ZNF471: variants seen among roughly 807,000 people sequenced by gnomAD.
ZNF471 encodes EZFIT-related protein 1.
A neutral mutation model predicts 13.7 loss-of-function variants in ZNF471; 7 were observed. The observed-to-expected ratio is 0.51, with a 90% CI of 0.29 to 0.96. The LOEUF is 0.96. Among genes scored for constraint, ZNF471 ranks in the 40% least tolerant of loss-of-function variants. ZNF471 has a pLI of 0.08. For synonymous variants in ZNF471, 218 were observed against 235.6 expected, an observed-to-expected ratio of 0.93 and a Z score of 0.68; for missense variants, 663 against 743.3, an observed-to-expected ratio of 0.89 and a Z score of 1.26.
Position 56,528,143 on chromosome 19 carries a change from A to G in ZNF471, c.*2195A>G, listed in dbSNP as rs1172875013. 6.6e-6 allele frequency: 1 copy of G among 152,326 alleles called. No individual in the cohort carries two copies. Among genetic ancestry groups the G allele is most frequent in the African/African-American group, 2.4e-5 (1 of 41,566 alleles). The allele number at this position is 152,326 out of a possible 1,614,324, so 9.4% of individuals were successfully genotyped here. A position where few individuals can be genotyped will look rare whatever the true frequency, so the allele number is the denominator to read the frequency against. On this transcript the variant is annotated 3_prime_UTR_variant, in exon 5 of 5. Coordinates refer to ENST00000308031, the MANE Select transcript of ZNF471 (RefSeq NM_020813.4). Reference sequence around the variant, plus strand: ...CTCACATTCAATGGGTTGCATACCCATGAATTCTAAAACTTCATCCTCTTT... The same window carrying G: ...CTCACATTCAATGGGTTGCATACCCGTGAATTCTAAAACTTCATCCTCTTT...
rs143825873 is a variant in ZNF471 at position 56,509,505 on chromosome 19, A to G, written c.-56+1585A>G. ...GAACCCCGATTTATAGCTAGTCAGA[A>G]GCACAAGTAAAACAACCTGGGGTTT... is the stretch of plus-strand genomic sequence containing the variant. On this transcript the variant is annotated intron_variant, in intron 1 of 4. Transcript: ENST00000308031. Among the ~76,000 whole-genome samples, 13 of 152,360 alleles carry G rather than the reference A, an allele frequency of 8.5e-5. No homozygotes were observed. The East Asian group carries it at 2.3e-3, about 27-fold the overall frequency.
At chr19:56,507,971 G>T in intron 1 of ZNF471, 51 bp downstream of exon 1, 2 of 986,084 alleles carry the variant, frequency 2.0e-6, no homozygotes, top group East Asian at 1.1e-4. Flanking sequence ...GGCCAGGAAG[G>T]GCAGGCGAGG....
At chr19:56,518,695 G>A in intron 4 of ZNF471, 118 bp downstream of exon 4, 2 of 747,936 alleles carry the variant, frequency 2.7e-6, no homozygotes, top group Non-Finnish European at 4.2e-6. Flanking sequence ...TACAGGCCTG[G>A]AGAGAAAACT....
In ZNF471 at chr19:56,511,527, C is replaced by G; in HGVS notation, c.-45C>G. 1 of 1,612,860 alleles carries G rather than the reference C, an allele frequency of 6.2e-7. No homozygotes were observed. The highest frequency in any genetic ancestry group is 2.2e-5 in the East Asian group (1 of 44,838). ...TTTCCCTTCCTTCAGCCTTGCCCTC[C>G]CAAGACACTGTTCTTCAAGAGAAAG... On this transcript the variant is annotated 5_prime_UTR_variant, in exon 2 of 5. Transcript: ENST00000308031.
intron 4 of ZNF471, among the ~76,000 whole-genome samples, chr19:56,518,960 G>A (rs1214562873): frequency 6.6e-6 from 1 of 152,068 alleles, no homozygotes; most frequent in African/African-American, 2.4e-5. Flanking sequence ...GTACCCTGCT[G>A]CTCTTTCATT....
chr19:56,511,983 A>T (rs1203105949), intron 2 of ZNF471, among the ~76,000 whole-genome samples: 1 of 152,142 alleles, frequency 6.6e-6, no homozygotes, highest in Non-Finnish European at 1.5e-5. Context: ...TTATTCCTCT[A>T]CCTGAAGTTT....
Position 56,508,127 on chromosome 19 carries a change from T to C in ZNF471, c.-56+207T>C. 1 of 985,222 alleles carries C rather than the reference T, an allele frequency of 1.0e-6. No individual in the cohort carries two copies. Among genetic ancestry groups the C allele is most frequent in the Non-Finnish European group, 1.2e-6 (1 of 829,820 alleles). 61.0% of individuals were successfully genotyped at this position (985,222 alleles called of 1,614,324 possible). On this transcript the variant is annotated intron_variant, in intron 1 of 4. Transcript: ENST00000308031. This position sits in a 1 kb window ranked among gnomAD's most constrained non-coding sequence, Gnocchi z 4.7. ...GGGGCTGCTGGGCGTTCGGGGCGGC[T>C]TGGGGCGGCGGGACCACTGGAGTGA...
At position 56,526,326 on chromosome 19, in the gene ZNF471, AC is replaced by A. The variant is rs1241018559; in HGVS notation, c.*379del. On this transcript the variant is annotated 3_prime_UTR_variant, in exon 5 of 5. Coordinates refer to ENST00000308031, the MANE Select transcript of ZNF471 (RefSeq NM_020813.4). ...GGGACTGTGCCATGAGGAATGGTGC[AC>A]TCCGGCACAGATACTACGCTTTTCC... 8 of 177,430 alleles carry A rather than the reference AC, an allele frequency of 4.5e-5. No individual in the cohort carries two copies. The highest frequency in any genetic ancestry group is 9.6e-5 in the Non-Finnish European group (8 of 83,116). The allele number at this position is 177,430 out of a possible 1,614,324, so 11.0% of individuals were successfully genotyped here. A position where few individuals can be genotyped will look rare whatever the true frequency, so the allele number is the denominator to read the frequency against.
Position 56,524,229 on chromosome 19 carries a change from A to T in ZNF471, c.257-95A>T. The T allele has an allele frequency of 1.1e-6, 1 of 930,822 alleles. No homozygotes were observed. The highest frequency in any genetic ancestry group is 1.7e-5 in the African/African-American group (1 of 59,594). The allele number at this position is 930,822 out of a possible 1,614,324, so 57.7% of individuals were successfully genotyped here. On this transcript the variant is annotated intron_variant, in intron 4 of 4. Coordinates refer to ENST00000308031, the MANE Select transcript of ZNF471 (RefSeq NM_020813.4). The surrounding 1 kb of genome is among the most constrained non-coding windows in gnomAD (Gnocchi z 4.8). ...GCCTGTACATAACAGGTTTTGTGAG[A>T]TTTATTAAATATTTTTAAATTACCT...
At chr19:56,509,810 G>T (rs1470706949) in intron 1 of ZNF471, 1 of 981,032 alleles carries the variant, frequency 1.0e-6, no homozygotes. Context: ...TGGAGTAGGA[G>T]AAACAGTTTG....
At position 56,525,442 on chromosome 19, in the gene ZNF471, TATGAATGC is replaced by T. The variant is rs1461924740; in HGVS notation, c.1377_1384del (p.Tyr459Ter). 6.2e-7 allele frequency: 1 copy of T among 1,614,162 alleles called. No individual in the cohort carries two copies. The highest frequency in any genetic ancestry group is 1.1e-5 in the South Asian group (1 of 91,074). On this transcript the variant is annotated frameshift_variant, in exon 5 of 5. Transcript: ENST00000308031. LOFTEE classifies it low-confidence loss of function (END_TRUNC). ...AAGAGTACATTCTGGAGAGAAACCG[TATGAATGC>T]AAGGAATGTGGGAAAGCCTTTAGGC...
rs1333220968 is a variant in ZNF471 at position 56,528,265 on chromosome 19, A to G, written c.*2317A>G. The G allele has an allele frequency of 6.6e-6, 1 of 152,230 alleles. No homozygotes were observed. Among genetic ancestry groups the G allele is most frequent in the African/African-American group, 2.4e-5 (1 of 41,458 alleles). The allele number at this position is 152,230 out of a possible 1,614,324, so 9.4% of individuals were successfully genotyped here. On this transcript the variant is annotated 3_prime_UTR_variant, in exon 5 of 5. Transcript: ENST00000308031. ...TAGTTAAAATACTTGATGTACATAAAGTGCTTAGCAAAATGACCAACTCAT... is the reference window on the plus strand; with the variant it reads ...TAGTTAAAATACTTGATGTACATAAGGTGCTTAGCAAAATGACCAACTCAT...
chr19:56,512,398 G>C (rs2043824212), intron 2 of ZNF471, among the ~76,000 whole-genome samples: 1 of 151,328 alleles, frequency 6.6e-6, no homozygotes, highest in South Asian at 2.1e-4. Flanking sequence ...CTTGATTTTT[G>C]TGGTTTTCTA....
intron 4 of ZNF471, 59 bp downstream of exon 4, chr19:56,518,636 A>C: frequency 2.8e-6 from 4 of 1,415,784 alleles, no homozygotes; most frequent in Non-Finnish European, 3.9e-6. Flanking sequence ...AGCCATTTTT[A>C]GAGGTGATAC....
At chr19:56,523,372 T>A (rs1179947377) in intron 4 of ZNF471, among the ~76,000 whole-genome samples, 1 of 151,720 alleles carries the variant, frequency 6.6e-6, no homozygotes, top group Non-Finnish European at 1.5e-5. Flanking sequence ...TTTTTTTTTT[T>A]TATAAAAAGG....
chr19:56,524,222 T>C lies in ZNF471; in HGVS notation c.257-102T>C, dbSNP rs1251094596. 1.2e-6 allele frequency: 1 copy of C among 856,668 alleles called. No homozygotes were observed. 53.1% of individuals were successfully genotyped at this position (856,668 alleles called of 1,614,324 possible). ...TTGACATGCCTGTACATAACAGGTT[T>C]TGTGAGATTTATTAAATATTTTTAA... On this transcript the variant is annotated intron_variant, in intron 4 of 4. Transcript: ENST00000308031. The surrounding 1 kb of genome is among the most constrained non-coding windows in gnomAD (Gnocchi z 4.8).
At chr19:56,520,748 A>G (rs903612647) in intron 4 of ZNF471, among the ~76,000 whole-genome samples, 14 of 152,212 alleles carry the variant, frequency 9.2e-5, no homozygotes, top group African/African-American at 3.1e-4. Flanking sequence ...AGCCCATGCC[A>G]TGGGCCTTGA....
chr19:56,522,403 A>G lies in ZNF471; in HGVS notation c.257-1921A>G, dbSNP rs952426990. ...TATCTCACACTTGATTATGTTTTGT[A>G]TTATCTTCTCAAAACTTTTTTTGTT... is the stretch of plus-strand genomic sequence containing the variant. On this transcript the variant is annotated intron_variant, in intron 4 of 4. Transcript: ENST00000308031. The surrounding 1 kb of genome is among the most constrained non-coding windows in gnomAD (Gnocchi z 4.1). Among the ~76,000 whole-genome samples the G allele has an allele frequency of 2.0e-5, 3 of 152,164 alleles. No homozygotes were observed. The highest frequency in any genetic ancestry group is 6.5e-5 in the Admixed American group (1 of 15,284).
Position 56,526,217 on chromosome 19 carries a change from G to A in ZNF471, c.*269G>A, listed in dbSNP as rs1409109728. ...ACAGTGGGTGCAGCCCACGGAGGGT[G>A]AGCTGAAGCAGGGTGGGGCGTAACC... On this transcript the variant is annotated 3_prime_UTR_variant, in exon 5 of 5. Coordinates refer to ENST00000308031, the MANE Select transcript of ZNF471 (RefSeq NM_020813.4). The A allele has an allele frequency of 5.7e-6, 2 of 351,778 alleles. No individual in the cohort carries two copies. Among genetic ancestry groups the A allele is most frequent in the African/African-American group, 2.1e-5 (1 of 47,960 alleles). The allele number at this position is 351,778 out of a possible 1,614,324, so 21.8% of individuals were successfully genotyped here.
Sources: allele counts gnomAD v4.1 joint callset (sites outside exome capture counted in the v4.1 genomes callset), GRCh38; gene constraint gnomAD v4.1.1; non-coding constraint Gnocchi (gnomAD v3.1); transcripts MANE v1.5; gene names NCBI Gene and HGNC (gene_info 2026-07-23, HGNC 2026-07-21).